The following CNTNAP4 variants were observed in gnomAD, a reference collection of about 807,000 sequenced individuals.
CNTNAP4 encodes contactin associated protein family member 4.
Under a neutral mutation model 148.4 loss-of-function variants are expected in CNTNAP4, and 98 were observed. The ratio of observed to expected loss-of-function variants is 0.66; its 90% CI spans 0.56 to 0.78. The LOEUF (loss-of-function observed/expected upper bound fraction) is 0.78. Ranked by LOEUF, CNTNAP4 falls within the 30% of genes least tolerant of loss-of-function variation. CNTNAP4 has a pLI of 0.00. For synonymous variants in CNTNAP4, 730 were observed against 565.1 expected, an observed-to-expected ratio of 1.29 and a Z score of -4.14; for missense variants, 1,935 against 1,565.6, an observed-to-expected ratio of 1.24 and a Z score of -3.98.
At chr16:76,429,179 T>G (rs946204745) in intron 4 of CNTNAP4, among the ~76,000 whole-genome samples, 4 of 152,274 alleles carry the variant, frequency 2.6e-5, no homozygotes, top group Middle Eastern at 3.4e-3. Context: ...TTAGTATACC[T>G]GAATAAAATC....
intron 4 of CNTNAP4, among the ~76,000 whole-genome samples, chr16:76,430,493 C>A (rs2145069409): frequency 6.6e-6 from 1 of 152,216 alleles, no homozygotes; most frequent in East Asian, 1.9e-4. Context: ...ATTGGATTTT[C>A]CCCAGACACA....
intron 3 of CNTNAP4, among the ~76,000 whole-genome samples, chr16:76,415,809 C>A (rs1295635962): frequency 6.6e-6 from 1 of 150,966 alleles, no homozygotes; most frequent in Non-Finnish European, 1.5e-5. Context: ...ATCTTGTGTT[C>A]ACTTTTATAT....
intron 3 of CNTNAP4, among the ~76,000 whole-genome samples, chr16:76,361,119 G>A (rs929395572): frequency 3.3e-5 from 5 of 151,784 alleles, no homozygotes; most frequent in African/African-American, 7.3e-5. Flanking sequence ...CACCGCGCCC[G>A]GCCCATTTTT....
chr16:76,515,887 A>T (rs1230983641), intron 15 of CNTNAP4, among the ~76,000 whole-genome samples: 1 of 152,186 alleles, frequency 6.6e-6, no homozygotes, highest in Non-Finnish European at 1.5e-5. Flanking sequence ...AATGTCAAAT[A>T]ACAAAACCAC....
chr16:76,414,690 T>C (rs577965178), intron 3 of CNTNAP4, among the ~76,000 whole-genome samples: 14 of 151,512 alleles, frequency 9.2e-5, no homozygotes, highest in African/African-American at 3.1e-4. Context: ...CAATTATGCA[T>C]GTAATCTAAC....
chr16:76,544,579 G>C (rs1487993663), intron 21 of CNTNAP4, among the ~76,000 whole-genome samples: 2 of 152,190 alleles, frequency 1.3e-5, no homozygotes, highest in Non-Finnish European at 2.9e-5. Flanking sequence ...GAAGATAAAG[G>C]TTTTAGTTAA....
intron 8 of CNTNAP4, among the ~76,000 whole-genome samples, chr16:76,455,818 A>G (rs1048503813): frequency 2.0e-5 from 3 of 152,110 alleles, no homozygotes; most frequent in Non-Finnish European, 2.9e-5. Flanking sequence ...TTTCTTATAC[A>G]TTGTGCACTA....
rs769142063 is a variant in CNTNAP4, at chr16:76,558,668, A to T, written c.3912A>T (p.Lys1304Asn). The change falls in exon 24 of 24, where the codon AAA (lysine) becomes AAT (asparagine). Residue 1304 changes from lysine to asparagine, a missense_variant. Physicochemically the swap from Lys to Asn is moderately conservative, Grantham distance 94. Coordinates refer to ENST00000611870, the MANE Select transcript of CNTNAP4 (RefSeq NM_033401.5). ...NIQNAVNENQ[K>N]EYFF Reference sequence around the variant, plus strand: ...AAAATGCAGTCAATGAAAATCAGAAAGAGTACTTCTTCTGATTGGCAGCTA... The same window carrying T: ...AAAATGCAGTCAATGAAAATCAGAATGAGTACTTCTTCTGATTGGCAGCTA... 2 of 1,606,970 alleles carry T rather than the reference A, an allele frequency of 1.2e-6. No homozygotes were observed. Among genetic ancestry groups the T allele is most frequent in the Non-Finnish European group, 1.7e-6 (2 of 1,176,258 alleles).
At chr16:76,545,807 G>C (rs770136108) in intron 21 of CNTNAP4, among the ~76,000 whole-genome samples, 1 of 152,174 alleles carries the variant, frequency 6.6e-6, no homozygotes, top group South Asian at 2.1e-4. Context: ...GGAGGCCGAG[G>C]TGGATGGATC....
rs555149955 is a variant in CNTNAP4, at chr16:76,493,595, G to A, written c.2081-1315G>A. ...AATTTAGATGTGGGAATATGGCTCA[G>A]TATTTAAGAATAACTATTTTTCTTT... is the stretch of plus-strand genomic sequence containing the variant. On this transcript the variant is annotated intron_variant, in intron 13 of 23. Transcript: ENST00000611870. Among the ~76,000 whole-genome samples, 6 of 152,062 alleles carry A rather than the reference G, an allele frequency of 3.9e-5. No homozygotes were observed. The South Asian group carries it at 6.2e-4, about 16-fold the overall frequency.
At chr16:76,430,555 T>A (rs1597509368) in intron 4 of CNTNAP4, among the ~76,000 whole-genome samples, 1 of 151,620 alleles carries the variant, frequency 6.6e-6, no homozygotes, top group Non-Finnish European at 1.5e-5. Flanking sequence ...TGTTGGGGAG[T>A]GGGTAGGGTT....
chr16:76,433,001 C>G (rs1481951019), intron 4 of CNTNAP4, among the ~76,000 whole-genome samples: 1 of 152,158 alleles, frequency 6.6e-6, no homozygotes, highest in Non-Finnish European at 1.5e-5. Context: ...TTCTTCTTTT[C>G]TCAGCATAGA....
intron 3 of CNTNAP4, among the ~76,000 whole-genome samples, chr16:76,382,721 G>T (rs1348717955): frequency 6.6e-6 from 1 of 152,110 alleles, no homozygotes; most frequent in Non-Finnish European, 1.5e-5. Flanking sequence ...AAGGAAAAAT[G>T]ATATCTCCTA....
intron 2 of CNTNAP4, among the ~76,000 whole-genome samples, chr16:76,334,156 A>G (rs978725805): frequency 1.3e-5 from 2 of 149,148 alleles, no homozygotes; most frequent in Non-Finnish European, 3.0e-5. Context: ...CGTTGTGCAC[A>G]TGTACCCTAA....
In CNTNAP4 at chr16:76,522,671, T is replaced by C. The variant is rs570701114; in HGVS notation, c.2755+414T>C. 3.3e-3 allele frequency among the ~76,000 whole-genome samples: 321 copies of C among 98,078 alleles called. 15 individuals are homozygous for C. Among genetic ancestry groups the C allele is most frequent in the African/African-American group, 6.8e-3 (163 of 23,970 alleles). 64.3% of individuals were successfully genotyped at this position (98,078 alleles called of 152,430 possible). A position where few individuals can be genotyped will look rare whatever the true frequency, so the allele number is the denominator to read the frequency against. ...TTTTCTCTCTTTCTCTCTTTCCTTC[T>C]TTCTCTCTTTCTCTCCTTTCTTTTC... is the stretch of plus-strand genomic sequence containing the variant. On this transcript the variant is annotated intron_variant, in intron 17 of 23. Coordinates refer to ENST00000611870, the MANE Select transcript of CNTNAP4 (RefSeq NM_033401.5).
At chr16:76,301,563 T>C (rs1004646359) in intron 1 of CNTNAP4, among the ~76,000 whole-genome samples, 3 of 152,160 alleles carry the variant, frequency 2.0e-5, no homozygotes, top group Admixed American at 2.0e-4. Context: ...AGTACATGAG[T>C]TACCAGTACT....
chr16:76,312,504 C>G (rs917788565), intron 1 of CNTNAP4, among the ~76,000 whole-genome samples: 1 of 152,108 alleles, frequency 6.6e-6, no homozygotes, highest in Non-Finnish European at 1.5e-5. Flanking sequence ...ATCATGTTTA[C>G]TCCACACTGA....
rs377214781 is a variant in CNTNAP4, at chr16:76,505,238, T to G, written c.2365+6544T>G. On this transcript the variant is annotated intron_variant, in intron 15 of 23. Transcript: ENST00000611870. ...AAATGTTTATCAACTAGTGAAAGGA[T>G]ACACGTTCCATTTTACTGTGGTGTA... 8.0e-5 allele frequency among the ~76,000 whole-genome samples: 8 copies of G among 100,490 alleles called. 1 individual carries two copies. Among genetic ancestry groups the G allele is most frequent in the Non-Finnish European group, 1.1e-4 (4 of 35,018 alleles). 65.9% of individuals were successfully genotyped at this position (100,490 alleles called of 152,430 possible). A position where few individuals can be genotyped will look rare whatever the true frequency, so the allele number is the denominator to read the frequency against.
intron 2 of CNTNAP4, among the ~76,000 whole-genome samples, chr16:76,331,906 C>A (rs954835780): frequency 7.9e-5 from 12 of 152,188 alleles, no homozygotes; most frequent in Admixed American, 7.9e-4. Flanking sequence ...GGCCTACAGG[C>A]AATAAACTCC....
Sources: gnomAD v4.1 joint callset for allele counts (sites outside exome capture counted in the v4.1 genomes callset) on GRCh38, gnomAD v4.1.1 for gene constraint, MANE v1.5 for transcripts, NCBI Gene and HGNC (gene_info 2026-07-23, HGNC 2026-07-21) for gene names.